Variants in TRPM2 observed in about 807,000 individuals in gnomAD.
The protein encoded by TRPM2 is transient receptor potential cation channel subfamily M member 2.
In TRPM2, 161 loss-of-function variants were observed where a neutral mutation model predicts 174.0. The ratio of observed to expected loss-of-function variants is 0.93; its 90% CI spans 0.81 to 1.05. TRPM2 has a LOEUF of 1.05. Ranked by LOEUF, TRPM2 falls within the 50% of genes least tolerant of loss-of-function variation. The pLI, the probability that TRPM2 is intolerant of heterozygous loss-of-function variation, is 0.00. For synonymous variants in TRPM2, 954 were observed against 861.3 expected, an observed-to-expected ratio of 1.11 and a Z score of -1.88; for missense variants, 2,057 against 2,038.0, an observed-to-expected ratio of 1.01 and a Z score of -0.18.
intron 19 of TRPM2, among the ~76,000 whole-genome samples, chr21:44,407,876 A>G (rs188207683): frequency 6.6e-6 from 1 of 150,960 alleles, no homozygotes; most frequent in Non-Finnish European, 1.5e-5. Context: ...CTTTTTTTTA[A>G]AAAAAATTAA....
intron 2 of TRPM2, among the ~76,000 whole-genome samples, chr21:44,357,485 GAC>G (rs761389030): frequency 6.6e-6 from 1 of 152,238 alleles, no homozygotes; most frequent in African/African-American, 2.4e-5. Context: ...AAGGGAGAAA[GAC>G]ACAGGCCGAG....
rs377372343 is a variant in TRPM2, at chr21:44,403,899, GCA to G, written c.2539-1236_2539-1235del. ...ACATACACATGCACATACATATACA[GCA>G]CACACATGCATACACACATACACAT... On this transcript the variant is annotated intron_variant, in intron 16 of 31. Transcript: ENST00000397928. Among the ~76,000 whole-genome samples, 852 of 149,270 alleles carry G rather than the reference GCA, an allele frequency of 5.7e-3. 7 individuals are homozygous for G. Among genetic ancestry groups the G allele is most frequent in the African/African-American group, 0.019 (746 of 40,312 alleles).
In TRPM2 at chr21:44,399,185, C is replaced by T. The variant is rs1262363299; in HGVS notation, c.2063-111C>T. 3 of 1,405,786 alleles carry T rather than the reference C, an allele frequency of 2.1e-6. No homozygotes were observed. The highest frequency in any genetic ancestry group is 2.9e-6 in the Non-Finnish European group (3 of 1,048,116). The allele number at this position is 1,405,786 out of a possible 1,614,324, so 87.1% of individuals were successfully genotyped here. On this transcript the variant is annotated intron_variant, in intron 13 of 31. Coordinates refer to ENST00000397928, the MANE Select transcript of TRPM2 (RefSeq NM_003307.4). This position sits in a 1 kb window ranked among gnomAD's most constrained non-coding sequence, Gnocchi z 4.6. ...ACACCAGCCCCACATTTGCCCTGTG[C>T]CCTTCCCTGTGTCCTGGTGGTGCTG...
intron 21 of TRPM2, 79 bp from the exon 22 acceptor site, chr21:44,418,344 G>GC (rs901342296): frequency 6.5e-5 from 102 of 1,565,146 alleles, no homozygotes; most frequent in South Asian, 1.2e-4. Flanking sequence ...CTCCCACGGG[G>GC]CCCCCCCGGT....
At chr21:44,362,628 T>A (rs1411772443) in intron 2 of TRPM2, among the ~76,000 whole-genome samples, 1 of 152,222 alleles carries the variant, frequency 6.6e-6, no homozygotes, top group Admixed American at 6.5e-5. Flanking sequence ...TATTCTTTCT[T>A]CCTTTCAGAT....
chr21:44,433,080 C>T (rs1388011982), intron 27 of TRPM2, among the ~76,000 whole-genome samples: 1 of 152,146 alleles, frequency 6.6e-6, no homozygotes, highest in East Asian at 1.9e-4. Flanking sequence ...TGGTCCGAAG[C>T]CCCTGCTGCC....
intron 19 of TRPM2, among the ~76,000 whole-genome samples, chr21:44,407,222 C>T (rs575590607): frequency 7.7e-5 from 10 of 130,118 alleles, no homozygotes; most frequent in Non-Finnish European, 1.0e-4. Flanking sequence ...CCACCTCCTG[C>T]GCTCAAGTCC....
chr21:44,423,766 GC>G, intron 23 of TRPM2, 34 bp downstream of exon 23: 1 of 1,538,904 alleles, frequency 6.5e-7, no homozygotes, highest in Non-Finnish European at 8.8e-7. Flanking sequence ...GTCAGGAGGT[GC>G]CACTGCTGGG....
chr21:44,436,688 G>A (rs1266450066), intron 28 of TRPM2, among the ~76,000 whole-genome samples: 2 of 141,606 alleles, frequency 1.4e-5, no homozygotes, highest in African/African-American at 2.7e-5. Flanking sequence ...AGCATCCCAC[G>A]TCACCCCCGG....
At chr21:44,370,013 G>A (rs2048484486) in intron 5 of TRPM2, among the ~76,000 whole-genome samples, 1 of 151,940 alleles carries the variant, frequency 6.6e-6, no homozygotes, top group Non-Finnish European at 1.5e-5. Flanking sequence ...AGGAGCAGGT[G>A]GAGTGTGCGG....
chr21:44,407,272 C>T lies in TRPM2; in HGVS notation c.2962+507C>T, dbSNP rs553236798. Among the ~76,000 whole-genome samples the T allele has an allele frequency of 4.9e-5, 7 of 143,534 alleles. No homozygotes were observed. The East Asian group carries it at 1.3e-3, about 26-fold the overall frequency. The allele number at this position is 143,534 out of a possible 152,430, so 94.2% of individuals were successfully genotyped here. ...TGCTGAGTAGCTGGGACTGCATGTG[C>T]ACGCCAACACACCCGGCTAATTTTT... On this transcript the variant is annotated intron_variant, in intron 19 of 31. Coordinates refer to ENST00000397928, the MANE Select transcript of TRPM2 (RefSeq NM_003307.4).
intron 9 of TRPM2, among the ~76,000 whole-genome samples, chr21:44,384,696 A>G (rs1238663584): frequency 6.6e-6 from 1 of 152,228 alleles, no homozygotes; most frequent in Non-Finnish European, 1.5e-5. Flanking sequence ...AAGCCATAGC[A>G]CTAGATGAAA....
Position 44,418,067 on chromosome 21 carries a change from G to C in TRPM2, c.3287G>C (p.Arg1096Thr), listed in dbSNP as rs766306277. 5 of 1,613,082 alleles carry C rather than the reference G, an allele frequency of 3.1e-6. No individual in the cohort carries two copies. The highest frequency in any genetic ancestry group is 4.2e-6 in the Non-Finnish European group (5 of 1,179,994). The change falls in exon 21 of 32, where the codon AGG (arginine) becomes ACG (threonine). Residue 1096 changes from arginine (R) to threonine (T), a missense_variant. Physicochemically the swap from Arg to Thr is moderately conservative, Grantham distance 71. Coordinates refer to ENST00000397928, the MANE Select transcript of TRPM2 (RefSeq NM_003307.4). ...LLSHLQLFIK[R>T]VVLKTPAKRH... The stretch of plus-strand genomic sequence containing the variant: ...AGCCACCTGCAGCTCTTCATCAAGA[G>C]GGTGGTCCTGAAGACTCCGGCCAAG...
Position 44,369,198 on chromosome 21 carries a change from G to C in TRPM2, c.626G>C (p.Gly209Ala). 1.2e-6 allele frequency: 2 copies of C among 1,611,514 alleles called. No individual in the cohort carries two copies. The highest frequency in any genetic ancestry group is 1.7e-6 in the Non-Finnish European group (2 of 1,179,020). Reference sequence around the variant, plus strand: ...CCAGGGGCCTGGATCATCACAGGGGGGTCCCACACCGGCGTCATGAAGCAG... The same window carrying C: ...CCAGGGGCCTGGATCATCACAGGGGCGTCCCACACCGGCGTCATGAAGCAG... ...QTTGAWIITG[G>A]SHTGVMKQVG... Residue 209 changes from glycine to alanine, a missense_variant, in exon 5 of 32, where the codon GGG becomes GCG. Physicochemically the swap from Gly to Ala is moderately conservative, Grantham distance 60. Coordinates refer to ENST00000397928, the MANE Select transcript of TRPM2 (RefSeq NM_003307.4).
chr21:44,433,296 G>C (rs952087811), intron 27 of TRPM2, among the ~76,000 whole-genome samples: 1 of 152,248 alleles, frequency 6.6e-6, no homozygotes, highest in Admixed American at 6.5e-5. Flanking sequence ...GCCAGGCAGA[G>C]CGTGTGGCCT....
At chr21:44,382,096 G>A (rs1004789981) in intron 8 of TRPM2, among the ~76,000 whole-genome samples, 2 of 151,886 alleles carry the variant, frequency 1.3e-5, no homozygotes, top group Non-Finnish European at 2.9e-5. Flanking sequence ...AAAGATGGAT[G>A]GATGGATGGA....
chr21:44,352,653 A>G (rs1376795481), upstream of TRPM2, among the ~76,000 whole-genome samples: 1 of 152,164 alleles, frequency 6.6e-6, no homozygotes, highest in Non-Finnish European at 1.5e-5. Context: ...TCATGAGAAC[A>G]CTGTGGGTGT....
rs920658339 is a variant in TRPM2, at chr21:44,426,641, A to G, written c.3796-19A>G. On this transcript the variant is annotated intron_variant, in intron 25 of 31. Transcript: ENST00000397928. ...AGTGGGGGTAAAAATCTGAGGGAAAACTCCCTGTTTTGCGACAGACGGAGT... is the reference window on the plus strand; with the variant it reads ...AGTGGGGGTAAAAATCTGAGGGAAAGCTCCCTGTTTTGCGACAGACGGAGT... 1.2e-6 allele frequency: 2 copies of G among 1,613,342 alleles called. No individual in the cohort carries two copies. The highest frequency in any genetic ancestry group is 1.7e-6 in the Non-Finnish European group (2 of 1,179,726).
intron 25 of TRPM2, 83 bp downstream of exon 25, chr21:44,425,910 A>G (rs2050752503): frequency 1.4e-6 from 2 of 1,390,026 alleles, no homozygotes; most frequent in East Asian, 5.3e-5. Flanking sequence ...TCCATCTGGT[A>G]TTAATCCTGG....
Sources: allele counts gnomAD v4.1 joint callset (sites outside exome capture counted in the v4.1 genomes callset), GRCh38; gene constraint gnomAD v4.1.1; non-coding constraint Gnocchi (gnomAD v3.1); transcripts MANE v1.5; gene names NCBI Gene and HGNC (gene_info 2026-07-23, HGNC 2026-07-21).